The following ANAPC1 variants were observed in gnomAD, a reference collection of about 807,000 sequenced individuals.
ANAPC1 encodes the protein anaphase promoting complex subunit 1, also known as anaphase-promoting complex subunit 1.
ANAPC1 carries 36 observed loss-of-function variants against 208.0 expected under a neutral mutation model. The ratio of observed to expected loss-of-function variants is 0.17; its 90% CI spans 0.13 to 0.23. The LOEUF is 0.23. Ranked by LOEUF, ANAPC1 falls within the 10% of genes least tolerant of loss-of-function variation. The pLI is 1.00. For missense variants in ANAPC1, 942 were observed against 2,011.6 expected (o/e 0.47, Z 10.17); for synonymous variants, 378 against 695.2 (o/e 0.54, Z 7.18).
chr2:111,880,160 G>A (rs1683223804), intron 2 of ANAPC1, among the ~76,000 whole-genome samples: 1 of 152,104 alleles, frequency 6.6e-6, no homozygotes, highest in Non-Finnish European at 1.5e-5. Flanking sequence ...GATCACCTGA[G>A]GTCCGGAGTT....
At chr2:111,879,961 C>T (rs1286689265) in intron 2 of ANAPC1, among the ~76,000 whole-genome samples, 1 of 152,160 alleles carries the variant, frequency 6.6e-6, no homozygotes, top group Non-Finnish European at 1.5e-5. Context: ...GCAGGGACTA[C>T]TTCTAATCTC....
At chr2:111,824,066 T>G (rs1451210338) in intron 24 of ANAPC1, among the ~76,000 whole-genome samples, 1 of 150,978 alleles carries the variant, frequency 6.6e-6, no homozygotes, top group Non-Finnish European at 1.5e-5. Flanking sequence ...TATGCATTAT[T>G]TATAATATAA....
rs866464990 is a variant in ANAPC1 at position 111,829,714 on chromosome 2, A to C, written c.2625+1572T>G. Among the ~76,000 whole-genome samples the C allele has an allele frequency of 2.7e-4, 32 of 119,348 alleles. 1 individual carries two copies. The South Asian group carries it at 9.0e-3, about 34-fold the overall frequency. The allele number at this position is 119,348 out of a possible 152,430, so 78.3% of individuals were successfully genotyped here. A position where few individuals can be genotyped will look rare whatever the true frequency, so the allele number is the denominator to read the frequency against. On this transcript the variant is annotated intron_variant, in intron 21 of 47. Coordinates refer to ENST00000341068, the MANE Select transcript of ANAPC1 (RefSeq NM_022662.4). ...CAAAAAATAATAAAAATAAATAAAG[A>C]AGTGTTTCTTGAAAAAAATTTCAAC...
intron 25 of ANAPC1, chr2:111,821,709 G>A (rs1198706484): frequency 1.2e-5 from 5 of 427,396 alleles, no homozygotes; most frequent in African/African-American, 4.0e-5. Context: ...CGAGGTGGGC[G>A]GATCACCCGA....
intron 27 of ANAPC1, among the ~76,000 whole-genome samples, chr2:111,816,236 C>G (rs1420778274): frequency 6.7e-6 from 1 of 149,496 alleles, no homozygotes; most frequent in African/African-American, 2.5e-5. Context: ...TGCACTCCCA[C>G]CTGGGCAGCA....
At chr2:111,797,616 T>C (rs1298989743) in intron 34 of ANAPC1, among the ~76,000 whole-genome samples, 1 of 152,158 alleles carries the variant, frequency 6.6e-6, no homozygotes, top group African/African-American at 2.4e-5. Flanking sequence ...AATAAATTCC[T>C]ATCAGATCAA....
Position 111,883,311 on chromosome 2 carries a change from A to G in ANAPC1, c.-25+631T>C, listed in dbSNP as rs1223153166. ...TGAAACTTTAGTTCTGCAATTTTAT[A>G]ATGTTATTTTCTTATAACTTTGAGA... is the stretch of plus-strand genomic sequence containing the variant. On this transcript the variant is annotated intron_variant, in intron 1 of 47. Transcript: ENST00000341068. 2.0e-5 allele frequency among the ~76,000 whole-genome samples: 3 copies of G among 152,088 alleles called. No individual in the cohort carries two copies. The East Asian group carries it at 5.8e-4, about 29-fold the overall frequency.
At chr2:111,859,016 A>G (rs1681903960) in intron 10 of ANAPC1, among the ~76,000 whole-genome samples, 1 of 152,192 alleles carries the variant, frequency 6.6e-6, no homozygotes, top group Admixed American at 6.5e-5. Flanking sequence ...AAGTAATGCA[A>G]ACTAAGCCAC....
At position 111,822,591 on chromosome 2, in the gene ANAPC1, A is replaced by G. The variant is rs1679593047; in HGVS notation, c.2822T>C (p.Leu941Ser). Residue 941 changes from leucine to serine, a missense_variant, in exon 25 of 48, where the codon TTA becomes TCA. Leu to Ser is a moderately radical substitution (Grantham distance 145, BLOSUM62 -2). Coordinates refer to ENST00000341068, the MANE Select transcript of ANAPC1 (RefSeq NM_022662.4). Reference sequence around the variant, plus strand: ...AAAGGGAAGAGTTTCCAAATCTCTTAAAGTGAATCCTAATGGTTAAAGGAA... The same window carrying G: ...AAAGGGAAGAGTTTCCAAATCTCTTGAAGTGAATCCTAATGGTTAAAGGAA... Reference protein sequence around the residue: ...VVWMTNVGFTLRDLETLPFGI... With the variant: ...VVWMTNVGFTSRDLETLPFGI... 4 of 1,295,492 alleles carry G rather than the reference A, an allele frequency of 3.1e-6. No individual in the cohort carries two copies. The highest frequency in any genetic ancestry group is 2.7e-5 in the South Asian group (2 of 74,006). The allele number at this position is 1,295,492 out of a possible 1,614,324, so 80.2% of individuals were successfully genotyped here.
intron 18 of ANAPC1, among the ~76,000 whole-genome samples, chr2:111,835,659 G>A (rs1007673426): frequency 6.6e-6 from 1 of 151,472 alleles, no homozygotes; most frequent in East Asian, 1.9e-4. Flanking sequence ...TAACACGGTG[G>A]AACCCCATCA....
chr2:111,787,478 A>G (rs546811401), intron 39 of ANAPC1, among the ~76,000 whole-genome samples: 115 of 151,882 alleles, frequency 7.6e-4, no homozygotes, highest in African/African-American at 2.6e-3. Context: ...TTACTGTGAT[A>G]AGTGCTCCTG....
intron 24 of ANAPC1, among the ~76,000 whole-genome samples, chr2:111,823,757 AG>A: frequency 6.6e-6 from 1 of 152,156 alleles, no homozygotes; most frequent in East Asian, 1.9e-4. Context: ...AAAACTATAA[AG>A]AAAAACAAGA....
chr2:111,819,915 C>G, intron 26 of ANAPC1, among the ~76,000 whole-genome samples: 1 of 152,214 alleles, frequency 6.6e-6, no homozygotes, highest in African/African-American at 2.4e-5. Flanking sequence ...AATTTGGGAT[C>G]AGGAAAATTC....
intron 13 of ANAPC1, among the ~76,000 whole-genome samples, chr2:111,853,321 T>C (rs1209600718): frequency 2.0e-5 from 3 of 152,214 alleles, no homozygotes; most frequent in Non-Finnish European, 4.4e-5. Flanking sequence ...TGTTAGACCA[T>C]TGTATTTAAT....
intron 14 of ANAPC1, among the ~76,000 whole-genome samples, chr2:111,848,936 T>G (rs1187922655): frequency 6.6e-6 from 1 of 152,206 alleles, no homozygotes; most frequent in African/African-American, 2.4e-5. Context: ...CAGTATTTAT[T>G]TGCTTAACTG....
At chr2:111,845,548 A>G (rs1681006441) in intron 16 of ANAPC1, among the ~76,000 whole-genome samples, 2 of 152,104 alleles carry the variant, frequency 1.3e-5, no homozygotes, top group African/African-American at 4.8e-5. Context: ...TGCATAAACT[A>G]TGGGGCTTCT....
chr2:111,834,161 AAAGAC>A (rs1194178395), intron 19 of ANAPC1, among the ~76,000 whole-genome samples: 1 of 152,242 alleles, frequency 6.6e-6, no homozygotes, highest in Non-Finnish European at 1.5e-5. Context: ...GCATCCCAGG[AAAGAC>A]ATTTAGGCAA....
intron 3 of ANAPC1, among the ~76,000 whole-genome samples, chr2:111,877,689 C>A (rs1204456737): frequency 6.6e-6 from 1 of 151,958 alleles, no homozygotes; most frequent in Non-Finnish European, 1.5e-5. Context: ...GAGGGTGAGG[C>A]GGGAGAATGG....
chr2:111,794,316 G>A lies in ANAPC1; in HGVS notation c.4381C>T (p.His1461Tyr). Residue 1461 changes from histidine (H) to tyrosine (Y), a missense_variant, in exon 36 of 48, where the codon CAT (histidine) becomes TAT (tyrosine). By Grantham distance (83) the His-to-Tyr change is moderately conservative. Transcript: ENST00000341068. ...DLNLETLSQA[H>Y]VYIIAGACLS... The stretch of plus-strand genomic sequence containing the variant: ...CAGGCTCCTGCAATTATGTAGACAT[G>A]TGCTTGGCTGAAAACAGGTGACAAG... 1.3e-6 allele frequency: 2 copies of A among 1,599,782 alleles called. No individual in the cohort carries two copies. Among genetic ancestry groups the A allele is most frequent in the Non-Finnish European group, 1.7e-6 (2 of 1,175,706 alleles).
Sources: allele counts gnomAD v4.1 joint callset (sites outside exome capture counted in the v4.1 genomes callset), GRCh38; gene constraint gnomAD v4.1.1; transcripts MANE v1.5; gene names NCBI Gene and HGNC (gene_info 2026-07-23, HGNC 2026-07-21).